Variants in LHFPL3 observed in about 807,000 individuals in gnomAD.
LHFPL3 encodes LHFPL tetraspan subfamily member 3 protein.
In LHFPL3, 5 loss-of-function variants were observed where a neutral mutation model predicts 19.3. The observed-to-expected ratio is 0.26, with a 90% CI of 0.14 to 0.54. LHFPL3 has a LOEUF of 0.54. Among genes scored for constraint, LHFPL3 ranks in the 20% least tolerant of loss-of-function variants. The probability of loss-of-function intolerance (pLI) is 0.94; values close to 1 mark genes in which losing one functional copy is unlikely to be tolerated. For missense variants in LHFPL3, 249 were observed against 307.4 expected, an observed-to-expected ratio of 0.81 and a Z score of 1.42; for synonymous variants, 133 against 126.2, an observed-to-expected ratio of 1.05 and a Z score of -0.36.
At chr7:104,622,681 A>G (rs1412516716) in intron 1 of LHFPL3, among the ~76,000 whole-genome samples, 1 of 152,210 alleles carries the variant, frequency 6.6e-6, no homozygotes, top group East Asian at 1.9e-4. Context: ...CTAGACTTGA[A>G]TCATGCAATA....
At chr7:104,594,036 A>C (rs1304153003) in intron 1 of LHFPL3, among the ~76,000 whole-genome samples, 1 of 152,204 alleles carries the variant, frequency 6.6e-6, no homozygotes, top group Non-Finnish European at 1.5e-5. Flanking sequence ...GCCGATTTAC[A>C]TTCAAGGTTA....
intron 1 of LHFPL3, among the ~76,000 whole-genome samples, chr7:104,450,615 C>T (rs979478022): frequency 2.0e-5 from 3 of 151,946 alleles, no homozygotes; most frequent in Non-Finnish European, 2.9e-5. Context: ...GGAGAAATAC[C>T]TAATGTAGAT....
chr7:104,630,303 T>G (rs1584450034), intron 1 of LHFPL3, among the ~76,000 whole-genome samples: 1 of 152,152 alleles, frequency 6.6e-6, no homozygotes, highest in African/African-American at 2.4e-5. Context: ...AGAACTTGAA[T>G]GGTGAGCTGG....
intron 1 of LHFPL3, among the ~76,000 whole-genome samples, chr7:104,458,253 A>G (rs1243363862): frequency 6.6e-6 from 1 of 152,100 alleles, no homozygotes; most frequent in Non-Finnish European, 1.5e-5. Context: ...TTTTAGGTCT[A>G]ACGTTTAAGT....
chr7:104,614,603 C>CTT (rs1376310615), intron 1 of LHFPL3, among the ~76,000 whole-genome samples: 1 of 120,528 alleles, frequency 8.3e-6, no homozygotes, highest in Non-Finnish European at 1.7e-5. Context: ...CTTCTCTTCT[C>CTT]TTCTCTTCTC....
intron 1 of LHFPL3, among the ~76,000 whole-genome samples, chr7:104,414,720 G>A (rs1338922100): frequency 3.3e-5 from 5 of 152,182 alleles, no homozygotes; most frequent in South Asian, 4.1e-4. Flanking sequence ...GCAGCTAAGC[G>A]GTGATCCAAA....
chr7:104,716,764 T>G (rs10249976), intron 1 of LHFPL3, among the ~76,000 whole-genome samples: 22,539 of 152,128 alleles, frequency 0.15, 1,865 homozygotes, highest in Non-Finnish European at 0.19. Flanking sequence ...GCAGACTACA[T>G]AGTCAATGCA....
chr7:104,501,490 C>T (rs1331575838), intron 1 of LHFPL3, among the ~76,000 whole-genome samples: 1 of 152,102 alleles, frequency 6.6e-6, no homozygotes, highest in East Asian at 1.9e-4. Context: ...TATCTAAAGG[C>T]ACTTTTTTTT....
chr7:104,376,606 T>G (rs529950391), intron 1 of LHFPL3, among the ~76,000 whole-genome samples: 43 of 152,306 alleles, frequency 2.8e-4, no homozygotes, highest in African/African-American at 1.0e-3. Flanking sequence ...TGTGAAAAGT[T>G]GCATCTTGAG....
intron 1 of LHFPL3, among the ~76,000 whole-genome samples, chr7:104,681,621 C>CA (rs57083271): frequency 0.4 from 57,267 of 143,778 alleles, 11,187 homozygotes; most frequent in South Asian, 0.58. Context: ...GACTAAGGCT[C>CA]AAAAAAAAAA....
At chr7:104,684,141 G>T (rs193010116) in intron 1 of LHFPL3, among the ~76,000 whole-genome samples, 1 of 152,264 alleles carries the variant, frequency 6.6e-6, no homozygotes, top group East Asian at 1.9e-4. Context: ...TGTTAGATTA[G>T]TTCAGGGATT....
intron 1 of LHFPL3, among the ~76,000 whole-genome samples, chr7:104,574,165 T>C (rs1260346615): frequency 6.6e-6 from 1 of 152,206 alleles, no homozygotes; most frequent in Non-Finnish European, 1.5e-5. Context: ...TTTTCAATTA[T>C]ATTTGCCACT....
At chr7:104,581,586 T>C (rs1584416038) in intron 1 of LHFPL3, among the ~76,000 whole-genome samples, 1 of 152,198 alleles carries the variant, frequency 6.6e-6, no homozygotes, top group East Asian at 1.9e-4. Flanking sequence ...TGCCCTCAGA[T>C]TGTGAATATG....
intron 1 of LHFPL3, among the ~76,000 whole-genome samples, chr7:104,733,422 T>C (rs1396821912): frequency 6.6e-6 from 1 of 152,246 alleles, no homozygotes; most frequent in Non-Finnish European, 1.5e-5. Context: ...TGGGTGCATA[T>C]ATATTTAGGA....
intron 2 of LHFPL3, among the ~76,000 whole-genome samples, chr7:104,777,984 A>T (rs1794659922): frequency 6.6e-6 from 1 of 152,068 alleles, no homozygotes; most frequent in Non-Finnish European, 1.5e-5. Flanking sequence ...GGATGTATTG[A>T]ACTTGTTCTC....
intron 2 of LHFPL3, among the ~76,000 whole-genome samples, chr7:104,862,273 G>A (rs1791631062): frequency 6.6e-6 from 1 of 152,022 alleles, no homozygotes; most frequent in Admixed American, 6.6e-5. Flanking sequence ...AATCCCCTAT[G>A]CCCTGAATTG....
chr7:104,808,353 C>A (rs142732705), intron 2 of LHFPL3, among the ~76,000 whole-genome samples: 246 of 152,284 alleles, frequency 1.6e-3, no homozygotes, highest in African/African-American at 5.7e-3. Context: ...AAATACTACC[C>A]ATTTCATTGG....
intron 1 of LHFPL3, among the ~76,000 whole-genome samples, chr7:104,467,812 T>A (rs1255313270): frequency 6.6e-6 from 1 of 152,222 alleles, no homozygotes; most frequent in Non-Finnish European, 1.5e-5. Context: ...TCATTTGGTT[T>A]ATTTATTTTC....
At chr7:104,682,406 G>C (rs898966079) in intron 1 of LHFPL3, among the ~76,000 whole-genome samples, 5 of 152,086 alleles carry the variant, frequency 3.3e-5, no homozygotes, top group African/African-American at 1.2e-4. Flanking sequence ...AAGATCCCCA[G>C]GTGACTCATA....
Sources: gnomAD v4.1 joint callset for allele counts (sites outside exome capture counted in the v4.1 genomes callset) on GRCh38, gnomAD v4.1.1 for gene constraint, MANE v1.5 for transcripts, NCBI Gene and HGNC (gene_info 2026-07-23, HGNC 2026-07-21) for gene names.